Variants in DGKB observed in about 807,000 individuals in gnomAD.
DGKB encodes the protein diacylglycerol kinase beta.
DGKB carries 67 observed loss-of-function variants against 114.3 expected under a neutral mutation model. The observed-to-expected ratio is 0.59, with a 90% CI of 0.48 to 0.72. The LOEUF (loss-of-function observed/expected upper bound fraction) is 0.72, where lower values mean the gene tolerates loss of function less well. DGKB is among the 30% of genes least tolerant of loss of function. The probability of loss-of-function intolerance (pLI) is 0.00; values close to 1 mark genes in which losing one functional copy is unlikely to be tolerated. For missense variants in DGKB, 907 were observed against 975.2 expected, an observed-to-expected ratio of 0.93 and a Z score of 0.93; for synonymous variants, 398 against 323.1, an observed-to-expected ratio of 1.23 and a Z score of -2.49.
intron 1 of DGKB, among the ~76,000 whole-genome samples, chr7:14,898,010 A>G (rs1485116824): frequency 6.6e-6 from 1 of 152,022 alleles, no homozygotes; most frequent in Admixed American, 6.6e-5. Flanking sequence ...TCCTCAATGT[A>G]AAAAACAGAT....
Position 14,392,995 on chromosome 7 carries a change from G to GTTTTTGTTTTTTTGTTTTTTTTT in DGKB, c.1836-47605_1836-47604insAAAAAAAAACAAAAAAACAAAAA. On this transcript the variant is annotated intron_variant, in intron 21 of 25. Transcript: ENST00000402815. ...CAAAACAGACCTGTTTTTTGTTTTT[G>GTTTTTGTTTTTTTGTTTTTTTTT]TTTTTTTTTTTTTGAGACGGAGTCT... Among the ~76,000 whole-genome samples the GTTTTTGTTTTTTTGTTTTTTTTT allele has an allele frequency of 8.3e-5, 5 of 60,546 alleles. 1 individual carries two copies. Among genetic ancestry groups the GTTTTTGTTTTTTTGTTTTTTTTT allele is most frequent in the Non-Finnish European group, 1.7e-4 (5 of 29,028 alleles). The allele number at this position is 60,546 out of a possible 152,430, so 39.7% of individuals were successfully genotyped here.
intron 5 of DGKB, among the ~76,000 whole-genome samples, chr7:14,725,643 G>T (rs111687109): frequency 2.6e-5 from 4 of 151,880 alleles, no homozygotes; most frequent in African/African-American, 9.7e-5. Context: ...CACCTCCAGG[G>T]TTCAAGAGAT....
intron 1 of DGKB, among the ~76,000 whole-genome samples, chr7:14,858,053 T>C (rs1265501475): frequency 6.6e-6 from 1 of 152,158 alleles, no homozygotes; most frequent in Non-Finnish European, 1.5e-5. Flanking sequence ...TCCAGTCACA[T>C]ATAACAGCAT....
At chr7:14,916,612 T>A (rs1371420868) in intron 1 of DGKB, among the ~76,000 whole-genome samples, 1 of 152,068 alleles carries the variant, frequency 6.6e-6, no homozygotes, top group Non-Finnish European at 1.5e-5. Context: ...GTTCTTTATG[T>A]GTGTGCACCT....
chr7:14,451,800 G>A (rs543761542), intron 21 of DGKB, among the ~76,000 whole-genome samples: 4 of 152,036 alleles, frequency 2.6e-5, no homozygotes, highest in Non-Finnish European at 4.4e-5. Flanking sequence ...AACAAGATCA[G>A]CTATTTACTT....
intron 1 of DGKB, among the ~76,000 whole-genome samples, chr7:14,866,468 T>C (rs916701280): frequency 6.6e-6 from 1 of 152,216 alleles, no homozygotes; most frequent in Non-Finnish European, 1.5e-5. Flanking sequence ...TCTGCCTTTT[T>C]CAGAATGTTA....
At chr7:14,658,189 C>T (rs1258987401) in intron 13 of DGKB, among the ~76,000 whole-genome samples, 1 of 151,824 alleles carries the variant, frequency 6.6e-6, no homozygotes, top group Non-Finnish European at 1.5e-5. Context: ...GCTTCAGCAA[C>T]ATCACAACTT....
chr7:14,338,529 T>G lies in DGKB; in HGVS notation c.2108A>C (p.Lys703Thr). 1 of 1,574,026 alleles carries G rather than the reference T, an allele frequency of 6.4e-7. No homozygotes were observed. Among genetic ancestry groups the G allele is most frequent in the South Asian group, 1.2e-5 (1 of 83,926 alleles). ...AGAAAACTGACCTTGACTTGCAAAC[T>G]TCAACTCTTTGGCATCTGTGACGGT... ...RTTVTDAKEL[K>T]FASQDLSDQL... Residue 703 changes from lysine to threonine, a missense_variant, in exon 23 of 26, where the codon AAG becomes ACG. Lys to Thr is a moderately conservative substitution (Grantham distance 78, BLOSUM62 -1). Around this residue, in one of 3 missense-constraint regions of DGKB, gnomAD observed 814 missense variants for 856.6 expected, o/e 0.95. Transcript: ENST00000402815.
chr7:14,418,336 T>C (rs796695889), intron 21 of DGKB, among the ~76,000 whole-genome samples: 4 of 82,916 alleles, frequency 4.8e-5, no homozygotes, highest in East Asian at 1.3e-3. Flanking sequence ...TGTATATATA[T>C]ACACACACAT....
rs1042031806 is a variant in DGKB, at chr7:14,628,560, C to A, written c.1167+1676G>T. On this transcript the variant is annotated intron_variant, in intron 14 of 25. Transcript: ENST00000402815. ...TCCTCATAGAAAAGCCCTTAATCTT[C>A]AAAAATATAGCCAATGAATATAAAT... Among the ~76,000 whole-genome samples, 8 of 152,002 alleles carry A rather than the reference C, an allele frequency of 5.3e-5. No homozygotes were observed. In the East Asian group the frequency reaches 7.7e-4, roughly 15 times the overall value.
At chr7:14,871,250 T>C (rs565190568) in intron 1 of DGKB, among the ~76,000 whole-genome samples, 4 of 152,224 alleles carry the variant, frequency 2.6e-5, no homozygotes, top group Admixed American at 1.3e-4. Context: ...CATTTCTTTG[T>C]ATTGAGAACA....
chr7:14,816,803 G>C (rs1844221532), intron 2 of DGKB, among the ~76,000 whole-genome samples: 1 of 152,110 alleles, frequency 6.6e-6, no homozygotes, highest in Admixed American at 6.6e-5. Context: ...AAAACCACCT[G>C]TGAACCAACA....
At chr7:14,805,819 C>A (rs1842729236) in intron 2 of DGKB, among the ~76,000 whole-genome samples, 1 of 151,354 alleles carries the variant, frequency 6.6e-6, no homozygotes, top group African/African-American at 2.4e-5. Context: ...GCCAAAACTT[C>A]CATATAGAGT....
chr7:14,781,999 A>AT (rs548503101), intron 2 of DGKB, among the ~76,000 whole-genome samples: 5 of 151,980 alleles, frequency 3.3e-5, no homozygotes, highest in Admixed American at 3.3e-4. Flanking sequence ...AGTAGAAAGC[A>AT]TTTTTTTAAA....
At chr7:14,915,655 G>A (rs949096852) in intron 1 of DGKB, among the ~76,000 whole-genome samples, 10 of 152,016 alleles carry the variant, frequency 6.6e-5, no homozygotes, top group Non-Finnish European at 5.9e-5. Flanking sequence ...AGAAGAAAGT[G>A]GAGACAAGTA....
intron 20 of DGKB, among the ~76,000 whole-genome samples, chr7:14,532,642 GA>G (rs1183205400): frequency 6.6e-6 from 1 of 151,390 alleles, no homozygotes; most frequent in Non-Finnish European, 1.5e-5. Flanking sequence ...TGCATGAAGT[GA>G]AAAGTGACAA....
chr7:14,477,412 G>T (rs1288382973), intron 21 of DGKB, among the ~76,000 whole-genome samples: 2 of 152,166 alleles, frequency 1.3e-5, no homozygotes, highest in Non-Finnish European at 2.9e-5. Context: ...GCTAGTTATG[G>T]TTTTGTAGCT....
intron 13 of DGKB, 98 bp downstream of exon 13, chr7:14,672,831 G>C (rs1819194743): frequency 6.1e-6 from 4 of 653,226 alleles, no homozygotes; most frequent in East Asian, 2.8e-5. Context: ...CTTCTACCTT[G>C]ATTGATGAAA....
chr7:14,330,862 T>C (rs1430063866), intron 23 of DGKB, among the ~76,000 whole-genome samples: 4 of 152,030 alleles, frequency 2.6e-5, no homozygotes. Flanking sequence ...CATGTGCTTT[T>C]ATAGGATAGC....
Sources: allele counts gnomAD v4.1 joint callset (sites outside exome capture counted in the v4.1 genomes callset), GRCh38; gene constraint gnomAD v4.1.1; regional missense constraint gnomAD v4.1.1; transcripts MANE v1.5; gene names NCBI Gene and HGNC (gene_info 2026-07-23, HGNC 2026-07-21).